DMD: variants seen among roughly 807,000 people sequenced by gnomAD.
DMD encodes mutant dystrophin.
Under a neutral mutation model 330.1 loss-of-function variants are expected in DMD, and 63 were observed. That is an observed-to-expected ratio of 0.19 (90% CI 0.16 to 0.24). The LOEUF (loss-of-function observed/expected upper bound fraction) is 0.24. Among genes scored for constraint, DMD ranks in the 10% least tolerant of loss-of-function variants. DMD has a pLI of 1.00. For missense variants in DMD, 3,344 were observed against 2,684.1 expected (o/e 1.25, Z -5.43); for synonymous variants, 1,223 against 959.8 (o/e 1.27, Z -5.07).
intron 55 of DMD, among the ~76,000 whole-genome samples, chrX:31,594,895 C>T (rs2077043602): frequency 9.0e-6 from 1 of 111,023 alleles, no homozygotes; most frequent in Non-Finnish European, 1.9e-5. Flanking sequence ...TAGAAATTAA[C>T]AATTTATTTA....
chrX:32,293,531 C>G (rs762474981), intron 42 of DMD, among the ~76,000 whole-genome samples: 63 of 111,714 alleles, frequency 5.6e-4, no homozygotes, highest in Non-Finnish European at 9.4e-4. Context: ...AGAGCAACAA[C>G]AGCATGTTGG....
chrX:32,448,931 C>T (rs2098317037), intron 26 of DMD, among the ~76,000 whole-genome samples: 1 of 110,393 alleles, frequency 9.1e-6, no homozygotes, highest in Non-Finnish European at 1.9e-5. Context: ...GATATAAATA[C>T]AATTGTTTGG....
chrX:32,974,204 A>G (rs1012471049), intron 2 of DMD, among the ~76,000 whole-genome samples: 6 of 111,905 alleles, frequency 5.4e-5, no homozygotes, highest in Admixed American at 9.5e-5. Flanking sequence ...GGCCACATAT[A>G]GTATGATTCC....
At chrX:33,049,769 A>G (rs2094434657) in intron 1 of DMD, among the ~76,000 whole-genome samples, 1 of 111,626 alleles carries the variant, frequency 9.0e-6, no homozygotes, top group South Asian at 3.7e-4. Context: ...AATTATCAAT[A>G]TTAATACGAA....
chrX:32,196,852 A>T (rs1280657122), intron 44 of DMD, among the ~76,000 whole-genome samples: 6 of 108,970 alleles, frequency 5.5e-5, no homozygotes, highest in Non-Finnish European at 1.1e-4. Flanking sequence ...GGGGCGTGGT[A>T]GCCAGCGCCT....
intron 44 of DMD, among the ~76,000 whole-genome samples, chrX:32,073,927 TATTA>T (rs1454798046): frequency 9.0e-6 from 1 of 111,419 alleles, no homozygotes; most frequent in Non-Finnish European, 1.9e-5. Flanking sequence ...GATATTAAAG[TATTA>T]ATTAGTAAAA....
intron 2 of DMD, among the ~76,000 whole-genome samples, chrX:32,862,241 A>C (rs1417019610): frequency 8.9e-6 from 1 of 112,109 alleles, no homozygotes; most frequent in Non-Finnish European, 1.9e-5. Flanking sequence ...AGTTTTTATA[A>C]TCTCTCCAGA....
At chrX:33,050,304 T>C in intron 1 of DMD, among the ~76,000 whole-genome samples, 1 of 111,767 alleles carries the variant, frequency 8.9e-6, no homozygotes, top group East Asian at 2.8e-4. Context: ...TCAGACAACA[T>C]TTATAAATGA....
intron 62 of DMD, among the ~76,000 whole-genome samples, chrX:31,320,796 C>T (rs926438301): frequency 5.4e-5 from 6 of 111,999 alleles, no homozygotes; most frequent in Non-Finnish European, 9.4e-5. Flanking sequence ...TCCCTAATTT[C>T]AAAGAGATTA....
At chrX:31,445,026 A>G (rs759477712) in intron 59 of DMD, among the ~76,000 whole-genome samples, 4 of 111,626 alleles carry the variant, frequency 3.6e-5, no homozygotes, top group Admixed American at 2.9e-4. Context: ...CAGAACAGTG[A>G]GAAATAAGTT....
intron 60 of DMD, among the ~76,000 whole-genome samples, chrX:31,435,925 A>G (rs1291995904): frequency 8.9e-6 from 1 of 111,856 alleles, no homozygotes; most frequent in Non-Finnish European, 1.9e-5. Flanking sequence ...ACTTACAAGA[A>G]CAAAGAATAA....
chrX:32,124,698 A>G (rs1227553734), intron 44 of DMD, among the ~76,000 whole-genome samples: 2 of 111,557 alleles, frequency 1.8e-5, no homozygotes, highest in Admixed American at 1.9e-4. Flanking sequence ...TCCTCACACA[A>G]ATAACATGTA....
chrX:32,737,732 G>A (rs1034114870), intron 7 of DMD, among the ~76,000 whole-genome samples: 2 of 111,454 alleles, frequency 1.8e-5, no homozygotes, highest in Non-Finnish European at 3.8e-5. Context: ...AGCTCCTTTT[G>A]GTCAGGTGCA....
chrX:32,156,470 C>T (rs1370096061), intron 44 of DMD, among the ~76,000 whole-genome samples: 3 of 112,371 alleles, frequency 2.7e-5, no homozygotes. Flanking sequence ...GTATTATTTG[C>T]TTATTGCCCT....
chrX:32,246,919 G>A (rs763995133), intron 43 of DMD, among the ~76,000 whole-genome samples: 1 of 110,639 alleles, frequency 9.0e-6, no homozygotes, highest in Non-Finnish European at 1.9e-5. Flanking sequence ...GGTTTTCCAC[G>A]TACTTCAGAG....
chrX:32,212,035 G>T (rs925810198), intron 44 of DMD, among the ~76,000 whole-genome samples: 3 of 111,735 alleles, frequency 2.7e-5, no homozygotes, highest in Non-Finnish European at 5.6e-5. Flanking sequence ...GGACTTGAAA[G>T]CACACAAATT....
chrX:32,654,270 T>C (rs1237659535), intron 9 of DMD, among the ~76,000 whole-genome samples: 2 of 111,894 alleles, frequency 1.8e-5, no homozygotes. Flanking sequence ...CCATTCAATA[T>C]GATAGTGGCT....
In DMD at chrX:33,024,458, C is replaced by T. The variant is rs564468528; in HGVS notation, c.32-4258G>A. ...TGAAGAACCACTACTTCATAAATTG[C>T]AAAAACTGACCAACGTTTTATTTTA... On this transcript the variant is annotated intron_variant, in intron 1 of 78. Coordinates refer to ENST00000357033, the MANE Select transcript of DMD (RefSeq NM_004006.3). 5.4e-5 allele frequency among the ~76,000 whole-genome samples: 6 copies of T among 111,952 alleles called. No individual in the cohort carries two copies. The South Asian group carries it at 2.2e-3, about 41-fold the overall frequency.
In DMD at chrX:32,223,010, A is replaced by G. The variant is rs141433291; in HGVS notation, c.6291-5947T>C. Among the ~76,000 whole-genome samples the G allele has an allele frequency of 1.3e-3, 142 of 112,240 alleles. No homozygotes were observed. In the East Asian group the frequency reaches 0.027, roughly 21 times the overall value. On this transcript the variant is annotated intron_variant, in intron 43 of 78. Transcript: ENST00000357033. ...CAGACCAAGAAATAAAACTTCCAGC[A>G]GCCAAATGGAACACTCTATATCATA...
Sources: allele counts gnomAD v4.1 joint callset (sites outside exome capture counted in the v4.1 genomes callset), GRCh38; gene constraint gnomAD v4.1.1; transcripts MANE v1.5; gene names NCBI Gene and HGNC (gene_info 2026-07-23, HGNC 2026-07-21).